DNAH6: variants seen among roughly 807,000 people sequenced by gnomAD.
DNAH6 encodes dynein axonemal heavy chain 6.
A neutral mutation model predicts 491.4 loss-of-function variants in DNAH6; 340 were observed. The ratio of observed to expected loss-of-function variants is 0.69; its 90% confidence interval spans 0.63 to 0.76. The LOEUF (loss-of-function observed/expected upper bound fraction) is 0.76, where lower values mean the gene tolerates loss of function less well. Ranked by LOEUF, DNAH6 falls within the 30% of genes least tolerant of loss-of-function variation. The pLI is 0.00. For missense variants in DNAH6, 4,443 were observed against 4,972.2 expected (o/e 0.89, Z 3.20); for synonymous variants, 1,603 against 1,686.1 (o/e 0.95, Z 1.21).
At chr2:84,571,030 T>C (rs1681792176) in intron 11 of DNAH6, among the ~76,000 whole-genome samples, 1 of 152,122 alleles carries the variant, frequency 6.6e-6, no homozygotes, top group African/African-American at 2.4e-5. Context: ...AGACCGAGAA[T>C]CCACCGGAAG....
At chr2:84,815,025 C>T (rs148623315) in intron 75 of DNAH6, among the ~76,000 whole-genome samples, 2 of 152,332 alleles carry the variant, frequency 1.3e-5, no homozygotes, top group Non-Finnish European at 2.9e-5. Context: ...GCCGCCTTGG[C>T]GCAGCATAGG....
the DNAH6 span, among the ~76,000 whole-genome samples, chr2:84,472,327 A>G: frequency 2.0e-5 from 3 of 151,840 alleles, no homozygotes. Flanking sequence ...GAAGGTAGCC[A>G]TGGCTTTACT....
At chr2:84,462,008 A>C in the DNAH6 span, among the ~76,000 whole-genome samples, 1 of 152,256 alleles carries the variant, frequency 6.6e-6, no homozygotes, top group Non-Finnish European at 1.5e-5. Flanking sequence ...CAAAGTCATC[A>C]AGCCAAGAGA....
the DNAH6 span, among the ~76,000 whole-genome samples, chr2:84,464,220 T>G: frequency 2.0e-5 from 3 of 152,184 alleles, no homozygotes; most frequent in African/African-American, 4.8e-5. Context: ...TTCTGTCAGC[T>G]CTCTCTGGGC....
At chr2:84,555,064 T>C (rs947612471) in intron 10 of DNAH6, among the ~76,000 whole-genome samples, 3 of 152,212 alleles carry the variant, frequency 2.0e-5, no homozygotes, top group East Asian at 1.9e-4. Context: ...AATCAGCCAA[T>C]AGAAGTATAA....
rs188055484 is a variant in DNAH6, at chr2:84,650,085, C to T, written c.5079-3234C>T. Among the ~76,000 whole-genome samples the T allele has an allele frequency of 3.3e-5, 5 of 151,320 alleles. 1 individual carries two copies. The highest frequency in any genetic ancestry group is 1.2e-4 in the African/African-American group (5 of 41,220). ...CTGCTAAAATTGTTTTCTTTGTCTTCCATTTTTAGAAGTTGGACTATGTTG... is the reference window on the plus strand; with the variant it reads ...CTGCTAAAATTGTTTTCTTTGTCTTTCATTTTTAGAAGTTGGACTATGTTG... On this transcript the variant is annotated intron_variant, in intron 33 of 76. Transcript: ENST00000389394.
chr2:84,720,331 T>C (rs1697996455), intron 59 of DNAH6, among the ~76,000 whole-genome samples: 2 of 124,606 alleles, frequency 1.6e-5, no homozygotes, highest in South Asian at 6.0e-4. Context: ...CAGGCTGGAG[T>C]GCAGTGGCGG....
At chr2:84,471,903 A>G in the DNAH6 span, among the ~76,000 whole-genome samples, 1 of 152,192 alleles carries the variant, frequency 6.6e-6, no homozygotes, top group Admixed American at 6.5e-5. Flanking sequence ...AGGTGGGTCC[A>G]CTAGATGCTG....
chr2:84,616,530 A>G (rs962289688), intron 22 of DNAH6, among the ~76,000 whole-genome samples: 2 of 152,014 alleles, frequency 1.3e-5, no homozygotes, highest in African/African-American at 4.8e-5. Flanking sequence ...TTTGGTGTCC[A>G]TTTGCATGGA....
chr2:84,724,920 G>A (rs933397004), intron 60 of DNAH6, among the ~76,000 whole-genome samples: 1 of 152,180 alleles, frequency 6.6e-6, no homozygotes. Context: ...TGAGAGAAGG[G>A]GATTTAGACT....
In DNAH6 at chr2:84,688,431, A is replaced by G. The variant is rs1260592185; in HGVS notation, c.7138-8A>G. The G allele has an allele frequency of 6.7e-7, 1 of 1,483,342 alleles. No homozygotes were observed. Among genetic ancestry groups the G allele is most frequent in the Non-Finnish European group, 8.9e-7 (1 of 1,124,926 alleles). 91.9% of individuals were successfully genotyped at this position (1,483,342 alleles called of 1,614,324 possible). A position where few individuals can be genotyped will look rare whatever the true frequency, so the allele number is the denominator to read the frequency against. ...GATCCAACTTGGTTCTTCTCCCATA[A>G]ATTATAGTTTGGAGCAGATAAAGCT... On this transcript the variant is annotated splice_region_variant and splice_polypyrimidine_tract_variant and intron_variant, in intron 44 of 76. Coordinates refer to ENST00000389394, the MANE Select transcript of DNAH6 (RefSeq NM_001370.2).
At chr2:84,701,981 G>T (rs571937564) in intron 49 of DNAH6, among the ~76,000 whole-genome samples, 1 of 152,288 alleles carries the variant, frequency 6.6e-6, no homozygotes, top group Non-Finnish European at 1.5e-5. Flanking sequence ...TGCCATTTAT[G>T]CAAGTATCCT....
chr2:84,607,435 G>A (rs895683869), intron 21 of DNAH6, among the ~76,000 whole-genome samples: 2 of 151,970 alleles, frequency 1.3e-5, no homozygotes, highest in African/African-American at 2.4e-5. Context: ...TGTTGAATTA[G>A]GAACACATGG....
intron 33 of DNAH6, among the ~76,000 whole-genome samples, chr2:84,645,478 G>T (rs1345745139): frequency 2.0e-5 from 3 of 152,070 alleles, no homozygotes; most frequent in African/African-American, 7.2e-5. Context: ...ATCACATTGT[G>T]GTTTTGATTT....
At position 84,806,386 on chromosome 2, in the gene DNAH6, A is replaced by G. The variant is rs143773647; in HGVS notation, c.11611+592A>G. Among the ~76,000 whole-genome samples, 438 of 152,246 alleles carry G rather than the reference A, an allele frequency of 2.9e-3. 1 individual carries two copies. The highest frequency in any genetic ancestry group is 9.6e-3 in the African/African-American group (401 of 41,558). On this transcript the variant is annotated intron_variant, in intron 71 of 76. Transcript: ENST00000389394. ...TGTAATCCTAGCACTTTGGGAGGCC[A>G]AGGCAGGCGGATCACAAGGTCAGGA...
In DNAH6 at chr2:84,624,468, G is replaced by C; in HGVS notation, c.4201G>C (p.Glu1401Gln). 6.4e-7 allele frequency: 1 copy of C among 1,551,624 alleles called. No individual in the cohort carries two copies. ...CTAATATGTATATCACATATAGGTG[G>C]AGACAGTTGAATCTTTTGACTGGCA... Reference protein sequence around the residue: ...IVTELVQSKVETVESFDWQRQ... With the variant: ...IVTELVQSKVQTVESFDWQRQ... Residue 1401 changes from glutamate (E) to glutamine (Q), a missense_variant, in exon 28 of 77, where the codon GAG becomes CAG. Coordinates refer to ENST00000389394, the MANE Select transcript of DNAH6 (RefSeq NM_001370.2).
intron 18 of DNAH6, among the ~76,000 whole-genome samples, chr2:84,601,026 T>TAATAAC (rs1176919328): frequency 6.9e-6 from 1 of 144,560 alleles, no homozygotes; most frequent in African/African-American, 2.6e-5. Context: ...ATAATAATAA[T>TAATAAC]GTTATTATTA....
At chr2:84,681,064 G>T (rs1333135509) in intron 41 of DNAH6, among the ~76,000 whole-genome samples, 1 of 152,082 alleles carries the variant, frequency 6.6e-6, no homozygotes, top group Non-Finnish European at 1.5e-5. Flanking sequence ...CCTTCGTGAT[G>T]ACCCCTTGGA....
rs1292872345 is a variant in DNAH6, at chr2:84,517,079, C to CTCACATATATTCTAT, written c.-9+496_-9+497insTCACATATATTCTAT. ...TACAAAGCTCTCATATTTCTATTGGCCAGCACTGATCTATATAAAACCTAG... is the reference window on the plus strand; with the variant it reads ...TACAAAGCTCTCATATTTCTATTGGCTCACATATATTCTATCAGCACTGATCTATATAAAACCTAG... On this transcript the variant is annotated intron_variant, in intron 1 of 76. Coordinates refer to ENST00000389394, the MANE Select transcript of DNAH6 (RefSeq NM_001370.2). Among the ~76,000 whole-genome samples the CTCACATATATTCTAT allele has an allele frequency of 3.3e-5, 5 of 152,244 alleles. No homozygotes were observed. The East Asian group carries it at 5.8e-4, about 18-fold the overall frequency.
Sources: gnomAD v4.1 joint callset for allele counts (sites outside exome capture counted in the v4.1 genomes callset) on GRCh38, gnomAD v4.1.1 for gene constraint, MANE v1.5 for transcripts, NCBI Gene and HGNC (gene_info 2026-07-23, HGNC 2026-07-21) for gene names.